The following ARB2A variants were observed in gnomAD, a reference collection of about 807,000 sequenced individuals.
The protein encoded by ARB2A is ARB2 cotranscriptional regulator A, also known as cotranscriptional regulator ARB2A.
At chr5:93,706,505 A>T in the ARB2A span, among the ~76,000 whole-genome samples, 1 of 152,190 alleles carries the variant, frequency 6.6e-6, no homozygotes, top group Admixed American at 6.5e-5. Flanking sequence ...ATATACTGGA[A>T]ATTACTGAAC....
At chr5:93,945,634 T>C in the ARB2A span, among the ~76,000 whole-genome samples, 1 of 151,912 alleles carries the variant, frequency 6.6e-6, no homozygotes, top group African/African-American at 2.4e-5. Context: ...TGACTGGAAA[T>C]ATAGAATAAA....
chr5:93,931,736 G>C, the ARB2A span, among the ~76,000 whole-genome samples: 1 of 149,986 alleles, frequency 6.7e-6, no homozygotes, highest in Non-Finnish European at 1.5e-5. Flanking sequence ...CCAGCAGTCA[G>C]ATTAAAAAAA....
the ARB2A span, among the ~76,000 whole-genome samples, chr5:94,087,926 T>C: frequency 6.6e-6 from 1 of 152,206 alleles, no homozygotes; most frequent in Non-Finnish European, 1.5e-5. Flanking sequence ...AAGTACACTC[T>C]ATGCTGTTCG....
At chr5:93,832,311 T>C in the ARB2A span, among the ~76,000 whole-genome samples, 4 of 152,280 alleles carry the variant, frequency 2.6e-5, no homozygotes, top group East Asian at 1.9e-4. Flanking sequence ...AATAACTCCA[T>C]AGGTATGGCT....
chr5:93,652,796 A>G, the ARB2A span, among the ~76,000 whole-genome samples: 1 of 152,210 alleles, frequency 6.6e-6, no homozygotes, highest in Non-Finnish European at 1.5e-5. Context: ...ATATTTGACC[A>G]ATGAGTTTCT....
At chr5:93,819,469 A>G in the ARB2A span, among the ~76,000 whole-genome samples, 1 of 152,148 alleles carries the variant, frequency 6.6e-6, no homozygotes, top group African/African-American at 2.4e-5. Context: ...AGTTTGTAAG[A>G]GTATTTTTGG....
the ARB2A span, among the ~76,000 whole-genome samples, chr5:94,040,940 C>G: frequency 6.6e-6 from 1 of 152,276 alleles, no homozygotes; most frequent in South Asian, 2.1e-4. Flanking sequence ...AAAAAGATAA[C>G]TTTCCTCTGT....
the ARB2A span, among the ~76,000 whole-genome samples, chr5:93,711,327 A>G: frequency 1.1e-4 from 16 of 152,136 alleles, no homozygotes; most frequent in East Asian, 2.7e-3. Context: ...CTCTATTGTA[A>G]TATCAAGAGA....
At chr5:93,758,972 A>G in the ARB2A span, among the ~76,000 whole-genome samples, 5 of 152,200 alleles carry the variant, frequency 3.3e-5, no homozygotes, top group Non-Finnish European at 7.3e-5. Context: ...GATCATTTGA[A>G]AAGATAAATA....
At chr5:93,856,779 A>G in the ARB2A span, among the ~76,000 whole-genome samples, 1 of 151,712 alleles carries the variant, frequency 6.6e-6, no homozygotes, top group African/African-American at 2.4e-5. Context: ...TCTTCTCTCA[A>G]CTCATCAAAG....
the ARB2A span, among the ~76,000 whole-genome samples, chr5:93,772,391 G>T: frequency 6.6e-6 from 1 of 151,806 alleles, no homozygotes; most frequent in Non-Finnish European, 1.5e-5. Flanking sequence ...CACCAGCATG[G>T]CACATGTATA....
chr5:93,959,144 T>G, the ARB2A span, among the ~76,000 whole-genome samples: 1 of 152,052 alleles, frequency 6.6e-6, no homozygotes, highest in African/African-American at 2.4e-5. Flanking sequence ...AATTATATAT[T>G]AGTTGGATGG....
chr5:93,724,128 T>A, the ARB2A span, among the ~76,000 whole-genome samples: 3 of 152,146 alleles, frequency 2.0e-5, no homozygotes, highest in African/African-American at 7.2e-5. Context: ...ACACTTTTTT[T>A]TTTCATGCAA....
the ARB2A span, among the ~76,000 whole-genome samples, chr5:93,708,924 T>C: frequency 2.0e-5 from 3 of 152,200 alleles, no homozygotes; most frequent in Non-Finnish European, 4.4e-5. Context: ...GTATAAGATT[T>C]ATTAGTTCTG....
At chr5:94,021,711 A>G in the ARB2A span, among the ~76,000 whole-genome samples, 1 of 152,212 alleles carries the variant, frequency 6.6e-6, no homozygotes, top group Non-Finnish European at 1.5e-5. Flanking sequence ...ACCCATGAGT[A>G]TAAGGTATGG....
At chr5:93,816,899 G>A in the ARB2A span, among the ~76,000 whole-genome samples, 1 of 152,060 alleles carries the variant, frequency 6.6e-6, no homozygotes, top group South Asian at 2.1e-4. Context: ...ACAAGACAAG[G>A]ATGTCCATGC....
chr5:93,920,139 T>G, the ARB2A span, among the ~76,000 whole-genome samples: 1 of 152,318 alleles, frequency 6.6e-6, no homozygotes, highest in African/African-American at 2.4e-5. Flanking sequence ...TATAAACCAC[T>G]ATATACTATA....
the ARB2A span, among the ~76,000 whole-genome samples, chr5:93,654,088 G>A: frequency 0.019 from 2,900 of 152,304 alleles, 85 homozygotes; most frequent in African/African-American, 0.066. Context: ...ATGAGACATA[G>A]TCTGTCCTTG....
chr5:93,663,264 G>T, the ARB2A span, among the ~76,000 whole-genome samples: 1 of 152,052 alleles, frequency 6.6e-6, no homozygotes, highest in African/African-American at 2.4e-5. Context: ...AAAACAATTC[G>T]CTTACCTGTG....
Sources: gnomAD v4.1 joint callset for allele counts (sites outside exome capture counted in the v4.1 genomes callset) on GRCh38, gnomAD v4.1.1 for gene constraint, MANE v1.5 for transcripts, NCBI Gene and HGNC (gene_info 2026-07-23, HGNC 2026-07-21) for gene names.